The following PMM2 variants were observed in gnomAD, a reference collection of about 807,000 sequenced individuals.
PMM2 encodes the protein mannose-6-phosphate isomerase.
Under a neutral mutation model 33.2 loss-of-function variants are expected in PMM2, and 35 were observed. That is an observed-to-expected ratio of 1.06 (90% CI 0.81 to 1.40). The LOEUF (loss-of-function observed/expected upper bound fraction) is 1.40. Ranked by LOEUF, PMM2 falls within the 40% of genes most tolerant of loss-of-function variation. The probability of loss-of-function intolerance (pLI) is 0.00; values close to 1 mark genes in which losing one functional copy is unlikely to be tolerated. For synonymous variants in PMM2, 153 were observed against 114.7 expected, an observed-to-expected ratio of 1.33 and a Z score of -2.13; for missense variants, 386 against 306.0, an observed-to-expected ratio of 1.26 and a Z score of -1.95.
chr16:8,835,618 C>T (rs908451773), intron 7 of PMM2, among the ~76,000 whole-genome samples: 8 of 151,962 alleles, frequency 5.3e-5, no homozygotes, highest in East Asian at 1.9e-4. Context: ...GTTGATAACG[C>T]GCAGATTCTG....
Sources: allele counts gnomAD v4.1 joint callset (sites outside exome capture counted in the v4.1 genomes callset), GRCh38; gene constraint gnomAD v4.1.1; transcripts MANE v1.5; gene names NCBI Gene and HGNC (gene_info 2026-07-23, HGNC 2026-07-21).